The following HBS1L variants were observed in gnomAD, a reference collection of about 807,000 sequenced individuals.
HBS1L encodes HBS1-like protein.
Under a neutral mutation model 88.9 loss-of-function variants are expected in HBS1L, and 55 were observed. That is an observed-to-expected ratio of 0.62 (90% CI 0.50 to 0.77). HBS1L has a LOEUF of 0.77. HBS1L is among the 30% of genes least tolerant of loss of function. HBS1L has a pLI of 0.00. For missense variants in HBS1L, 741 were observed against 829.3 expected, an observed-to-expected ratio of 0.89 and a Z score of 1.31; for synonymous variants, 267 against 288.5, an observed-to-expected ratio of 0.93 and a Z score of 0.76.
rs777567750 is a variant in HBS1L at position 134,961,542 on chromosome 6, C to T, written c.*3737G>A. On this transcript the variant is annotated 3_prime_UTR_variant, in exon 18 of 18. Coordinates refer to ENST00000367837, the MANE Select transcript of HBS1L (RefSeq NM_006620.4). ...ATAAAAACAAAGTCACTGTGCAAAC[C>T]ATAAACAGCCAACCTCTTCTTGTGG... 1 of 152,090 alleles carries T rather than the reference C, an allele frequency of 6.6e-6. No homozygotes were observed. The highest frequency in any genetic ancestry group is 1.5e-5 in the Non-Finnish European group (1 of 68,014). The allele number at this position is 152,090 out of a possible 1,614,324, so 9.4% of individuals were successfully genotyped here.
intron 2 of HBS1L, among the ~76,000 whole-genome samples, chr6:135,047,492 C>T (rs2114923531): frequency 6.6e-6 from 1 of 152,298 alleles, no homozygotes; most frequent in Non-Finnish European, 1.5e-5. Context: ...CACGAGCATA[C>T]CCCAGTGGGC....
In HBS1L at chr6:134,965,277, C is replaced by A; in HGVS notation, c.*2G>T. The stretch of plus-strand genomic sequence containing the variant: ...CAGAAACGTGGTAGAAATTCTGACC[C>A]ATCATTCTTTTATCTGTTAAAACAA... On this transcript the variant is annotated 3_prime_UTR_variant, in exon 18 of 18. Coordinates refer to ENST00000367837, the MANE Select transcript of HBS1L (RefSeq NM_006620.4). The A allele has an allele frequency of 6.4e-7, 1 of 1,567,132 alleles. No homozygotes were observed. Among genetic ancestry groups the A allele is most frequent in the Non-Finnish European group, 8.7e-7 (1 of 1,144,110 alleles).
At chr6:135,007,167 T>C (rs1775637370) in intron 4 of HBS1L, among the ~76,000 whole-genome samples, 2 of 152,098 alleles carry the variant, frequency 1.3e-5, no homozygotes, top group Admixed American at 1.3e-4. Context: ...GGGGATGCAA[T>C]AAATATCAGA....
At chr6:135,027,657 T>C (rs1776272710) in intron 4 of HBS1L, among the ~76,000 whole-genome samples, 1 of 152,184 alleles carries the variant, frequency 6.6e-6, no homozygotes, top group Non-Finnish European at 1.5e-5. Flanking sequence ...TTTATTTAAA[T>C]AGAGATCTGA....
intron 4 of HBS1L, among the ~76,000 whole-genome samples, chr6:135,018,041 T>C (rs1232434878): frequency 6.6e-6 from 1 of 151,308 alleles, no homozygotes; most frequent in African/African-American, 2.4e-5. Flanking sequence ...TTGCCATCAA[T>C]TGCTATTTTT....
At chr6:134,990,668 A>G (rs1775106530) in intron 8 of HBS1L, among the ~76,000 whole-genome samples, 1 of 152,036 alleles carries the variant, frequency 6.6e-6, no homozygotes, top group African/African-American at 2.4e-5. Flanking sequence ...CTCCCACTTC[A>G]GTTTCCTGAG....
intron 4 of HBS1L, among the ~76,000 whole-genome samples, chr6:135,006,994 T>A (rs987031488): frequency 6.6e-6 from 1 of 152,182 alleles, no homozygotes; most frequent in Non-Finnish European, 1.5e-5. Flanking sequence ...CATCTTAGTA[T>A]CTTCCAACCA....
At chr6:134,990,665 T>G (rs1315367490) in intron 8 of HBS1L, among the ~76,000 whole-genome samples, 2 of 152,192 alleles carry the variant, frequency 1.3e-5, no homozygotes, top group African/African-American at 4.8e-5. Flanking sequence ...ATTCTCCCAC[T>G]TCAGTTTCCT....
intron 4 of HBS1L, among the ~76,000 whole-genome samples, chr6:135,017,832 T>C (rs981447693): frequency 6.6e-6 from 1 of 151,988 alleles, no homozygotes; most frequent in Non-Finnish European, 1.5e-5. Context: ...CTGAAAGATT[T>C]CAAAATGGGG....
chr6:135,038,107 T>C (rs559696487), intron 4 of HBS1L: 336 of 1,088,248 alleles, frequency 3.1e-4, no homozygotes, highest in Non-Finnish European at 4.1e-4. Flanking sequence ...AAAGGAAACA[T>C]GAAATGAGGC....
At chr6:134,991,077 AC>A (rs1775122513) in intron 8 of HBS1L, among the ~76,000 whole-genome samples, 1 of 151,014 alleles carries the variant, frequency 6.6e-6, no homozygotes, top group Non-Finnish European at 1.5e-5. Context: ...ACACACACAC[AC>A]ACACATATAC....
At chr6:135,009,043 T>C (rs1354868835) in intron 4 of HBS1L, among the ~76,000 whole-genome samples, 2 of 152,200 alleles carry the variant, frequency 1.3e-5, no homozygotes, top group African/African-American at 4.8e-5. Context: ...CCTCCCAAAG[T>C]TGAGATATAA....
intron 4 of HBS1L, among the ~76,000 whole-genome samples, chr6:135,013,661 A>G (rs1051871034): frequency 3.3e-5 from 5 of 152,370 alleles, no homozygotes; most frequent in Non-Finnish European, 7.3e-5. Flanking sequence ...AATACATGTA[A>G]GAAATTCTAC....
intron 3 of HBS1L, 90 bp from the exon 4 acceptor site, chr6:135,039,857 G>A (rs1352496931): frequency 1.8e-6 from 2 of 1,110,852 alleles, no homozygotes; most frequent in Non-Finnish European, 2.5e-6. Flanking sequence ...ATTTACAGCT[G>A]TACTAGAATA....
chr6:135,054,603 A>G, intron 1 of HBS1L, 46 bp downstream of exon 1: 1 of 1,599,798 alleles, frequency 6.3e-7, no homozygotes, highest in Non-Finnish European at 8.6e-7. Context: ...CTAGGATCCC[A>G]GCTGTAGCCG....
chr6:135,026,224 G>A (rs1335585744), intron 4 of HBS1L, among the ~76,000 whole-genome samples: 2 of 152,086 alleles, frequency 1.3e-5, no homozygotes, highest in Admixed American at 6.6e-5. Flanking sequence ...TATCAAAGGT[G>A]TAAAGGTGAA....
At chr6:134,980,928 G>A (rs541581953) in intron 13 of HBS1L, among the ~76,000 whole-genome samples, 45 of 152,024 alleles carry the variant, frequency 3.0e-4, no homozygotes, top group Non-Finnish European at 6.0e-4. Context: ...TAGAATGGAG[G>A]AAGGAGAACC....
rs1774407693 is a variant in HBS1L at position 134,969,149 on chromosome 6, A to G, written c.1898+89T>C. 1.1e-5 allele frequency: 9 copies of G among 834,762 alleles called. 1 individual carries two copies. In the Middle Eastern group the frequency reaches 1.1e-3, roughly 97 times the overall value. The allele number at this position is 834,762 out of a possible 1,614,324, so 51.7% of individuals were successfully genotyped here. A position where few individuals can be genotyped will look rare whatever the true frequency, so the allele number is the denominator to read the frequency against. On this transcript the variant is annotated intron_variant, in intron 16 of 17. Coordinates refer to ENST00000367837, the MANE Select transcript of HBS1L (RefSeq NM_006620.4). Reference sequence around the variant, plus strand: ...GAACAAGTAAAAATGGGTTTCACTTACCACAAAGAGAAATACTACACAAAT... The same window carrying G: ...GAACAAGTAAAAATGGGTTTCACTTGCCACAAAGAGAAATACTACACAAAT...
chr6:134,970,555 T>G (rs1251263667), intron 15 of HBS1L, among the ~76,000 whole-genome samples: 2 of 152,210 alleles, frequency 1.3e-5, no homozygotes, highest in African/African-American at 4.8e-5. Flanking sequence ...AGCATTCAGT[T>G]AACTGATGGC....
Sources: gnomAD v4.1 joint callset for allele counts (sites outside exome capture counted in the v4.1 genomes callset) on GRCh38, gnomAD v4.1.1 for gene constraint, MANE v1.5 for transcripts, NCBI Gene and HGNC (gene_info 2026-07-23, HGNC 2026-07-21) for gene names.